The following GMDS variants were observed in gnomAD, a reference collection of about 807,000 sequenced individuals.
GMDS encodes GDP-mannose 4,6 dehydratase.
A neutral mutation model predicts 49.9 loss-of-function variants in GMDS; 20 were observed. The observed-to-expected ratio is 0.40, with a 90% CI of 0.28 to 0.58. The LOEUF is 0.58. GMDS is among the 20% of genes least tolerant of loss of function. GMDS has a pLI of 0.42. For missense variants in GMDS, 362 were observed against 481.4 expected (o/e 0.75, Z 2.32); for synonymous variants, 177 against 178.6 (o/e 0.99, Z 0.07).
At chr6:2,054,530 A>G (rs1770668887) in intron 4 of GMDS, among the ~76,000 whole-genome samples, 1 of 152,162 alleles carries the variant, frequency 6.6e-6, no homozygotes, top group African/African-American at 2.4e-5. Flanking sequence ...ACAGAGTTTA[A>G]GGCAACCATA....
At chr6:1,950,855 G>A (rs113529653) in intron 6 of GMDS, among the ~76,000 whole-genome samples, 8 of 151,860 alleles carry the variant, frequency 5.3e-5, no homozygotes, top group African/African-American at 9.7e-5. Flanking sequence ...CAGGACAGGC[G>A]TTTGTTATAG....
At chr6:1,968,799 T>C (rs1307580315) in intron 4 of GMDS, among the ~76,000 whole-genome samples, 1 of 152,074 alleles carries the variant, frequency 6.6e-6, no homozygotes, top group African/African-American at 2.4e-5. Flanking sequence ...ACGCAAAAGC[T>C]GGGGTAAATG....
chr6:2,035,049 A>G (rs1769212593), intron 4 of GMDS, among the ~76,000 whole-genome samples: 1 of 152,204 alleles, frequency 6.6e-6, no homozygotes, highest in Admixed American at 6.5e-5. Context: ...CACATAAGAA[A>G]AAATGATTTA....
chr6:1,753,332 G>C lies in GMDS; in HGVS notation c.772-10746C>G, dbSNP rs546584032. 2.2e-4 allele frequency among the ~76,000 whole-genome samples: 34 copies of C among 152,284 alleles called. No homozygotes were observed. In the East Asian group the frequency reaches 2.7e-3, roughly 12 times the overall value. ...AATGGTAAAGGGATCAATGCAACAA[G>C]AAGAGCTAACTATCCTAAATATATA... is the stretch of plus-strand genomic sequence containing the variant. On this transcript the variant is annotated intron_variant, in intron 7 of 10. Transcript: ENST00000380815.
At chr6:1,699,110 C>T (rs1338359883) in intron 9 of GMDS, among the ~76,000 whole-genome samples, 2 of 152,168 alleles carry the variant, frequency 1.3e-5, no homozygotes, top group Non-Finnish European at 2.9e-5. Context: ...CACATGCCTA[C>T]ACTGTGTGGA....
intron 4 of GMDS, among the ~76,000 whole-genome samples, chr6:2,042,757 C>A (rs536093731): frequency 1.6e-4 from 24 of 152,192 alleles, no homozygotes; most frequent in African/African-American, 4.8e-4. Flanking sequence ...CAAAAGAAAT[C>A]AAAAACACAT....
intron 4 of GMDS, among the ~76,000 whole-genome samples, chr6:2,000,545 T>C (rs142876762): frequency 4.6e-5 from 7 of 152,342 alleles, no homozygotes; most frequent in African/African-American, 7.2e-5. Context: ...TTTTGTAAGC[T>C]ACCTCTTTCG....
At chr6:1,625,819 A>G (rs767616816) in intron 9 of GMDS, among the ~76,000 whole-genome samples, 54 of 152,268 alleles carry the variant, frequency 3.5e-4, no homozygotes, top group Non-Finnish European at 7.2e-4. Flanking sequence ...TACTCGTCAA[A>G]TAACACATCA....
chr6:1,897,980 TGGCCTCCCTTGCCATCCTGGACACCTAC>T (rs1760292859), intron 7 of GMDS, among the ~76,000 whole-genome samples: 2 of 127,246 alleles, frequency 1.6e-5, no homozygotes, highest in Admixed American at 7.9e-5. Flanking sequence ...ACACCTACCC[TGGCCTCCCTTGCCATCCTGGACACCTAC>T]CCTGGCCTCC....
At chr6:1,653,536 A>C (rs965843688) in intron 9 of GMDS, among the ~76,000 whole-genome samples, 9 of 152,240 alleles carry the variant, frequency 5.9e-5, no homozygotes, top group African/African-American at 2.2e-4. Flanking sequence ...TGGAGAGCTC[A>C]CATTTCCTGA....
intron 1 of GMDS, among the ~76,000 whole-genome samples, chr6:2,219,398 A>G (rs1198142947): frequency 6.6e-6 from 1 of 152,208 alleles, no homozygotes; most frequent in Non-Finnish European, 1.5e-5. Context: ...AGAAGACAAC[A>G]TAGAACTTAC....
At chr6:1,712,164 A>G (rs1765995972) in intron 9 of GMDS, among the ~76,000 whole-genome samples, 1 of 152,260 alleles carries the variant, frequency 6.6e-6, no homozygotes, top group African/African-American at 2.4e-5. Flanking sequence ...AAGATGCTGG[A>G]AAATTAAGTC....
Position 1,655,035 on chromosome 6 carries a change from T to C in GMDS, c.988-30495A>G, listed in dbSNP as rs981524404. ...AAGATCACACCACTGCACTCCAGCC[T>C]GGTGACAGAGTGAGATACCGTCTCA... is the stretch of plus-strand genomic sequence containing the variant. On this transcript the variant is annotated intron_variant, in intron 9 of 10. Transcript: ENST00000380815. 5.0e-5 allele frequency among the ~76,000 whole-genome samples: 7 copies of C among 140,574 alleles called. No homozygotes were observed. In the Admixed American group the frequency reaches 5.3e-4, roughly 11 times the overall value. The allele number at this position is 140,574 out of a possible 152,430, so 92.2% of individuals were successfully genotyped here.
chr6:2,077,906 G>T (rs1248997518), intron 4 of GMDS, among the ~76,000 whole-genome samples: 1 of 151,968 alleles, frequency 6.6e-6, no homozygotes, highest in Non-Finnish European at 1.5e-5. Flanking sequence ...GAATCAATCT[G>T]CTCCTAGCCC....
At position 2,079,019 on chromosome 6, in the gene GMDS, CTTTTTTTTTT is replaced by C. The variant is rs386405902; in HGVS notation, c.345+36742_345+36751del. Among the ~76,000 whole-genome samples, 11 of 33,992 alleles carry C rather than the reference CTTTTTTTTTT, an allele frequency of 3.2e-4. 1 individual carries two copies. The highest frequency in any genetic ancestry group is 6.4e-4 in the African/African-American group (9 of 14,064). 22.3% of individuals were successfully genotyped at this position (33,992 alleles called of 152,430 possible). Reference sequence around the variant, plus strand: ...CTTTGTCATTGCATAATGACCTTGTCTTTTTTTTTTTTTTTTTTTTTTTTTTACTGTGTTT... The same window carrying C: ...CTTTGTCATTGCATAATGACCTTGTCTTTTTTTTTTTTTTTTACTGTGTTT... On this transcript the variant is annotated intron_variant, in intron 4 of 10. Transcript: ENST00000380815.
chr6:1,939,428 C>T lies in GMDS; in HGVS notation c.644-9198G>A, dbSNP rs2761230. Among the ~76,000 whole-genome samples the T allele has an allele frequency of 6.3e-3, 952 of 152,056 alleles. 8 individuals are homozygous for T. Among genetic ancestry groups the T allele is most frequent in the African/African-American group, 0.022 (892 of 41,466 alleles). ...GAATGCACAGGTTAACAAGGTTCTG[C>T]TCTTCCCCTTGACTGCTATCTACTG... On this transcript the variant is annotated intron_variant, in intron 6 of 10. Coordinates refer to ENST00000380815, the MANE Select transcript of GMDS (RefSeq NM_001500.4).
chr6:1,872,051 A>G (rs1758787885), intron 7 of GMDS, among the ~76,000 whole-genome samples: 3 of 152,174 alleles, frequency 2.0e-5, no homozygotes, highest in Admixed American at 2.0e-4. Context: ...CTGGACAATT[A>G]CTTTCTCAGA....
chr6:2,179,891 A>G (rs1050787792), intron 1 of GMDS, among the ~76,000 whole-genome samples: 17 of 152,102 alleles, frequency 1.1e-4, no homozygotes, highest in African/African-American at 4.1e-4. Context: ...ACACTCATCT[A>G]TCTCAAAACA....
chr6:2,106,241 T>A (rs1774233914), intron 4 of GMDS, among the ~76,000 whole-genome samples: 1 of 152,226 alleles, frequency 6.6e-6, no homozygotes, highest in Admixed American at 6.5e-5. Context: ...TGGTAAGGTA[T>A]CCAATTAATG....
Sources: allele counts gnomAD v4.1 joint callset (sites outside exome capture counted in the v4.1 genomes callset), GRCh38; gene constraint gnomAD v4.1.1; transcripts MANE v1.5; gene names NCBI Gene and HGNC (gene_info 2026-07-23, HGNC 2026-07-21).